Variants in SLCO3A1 observed in about 807,000 individuals in gnomAD.
The protein encoded by SLCO3A1 is solute carrier organic anion transporter family member 3A1.
A neutral mutation model predicts 63.1 loss-of-function variants in SLCO3A1; 27 were observed. The observed-to-expected ratio is 0.43, with a 90% CI of 0.32 to 0.59. The LOEUF (loss-of-function observed/expected upper bound fraction) is 0.59. Among genes scored for constraint, SLCO3A1 ranks in the 20% least tolerant of loss-of-function variants. The pLI, the probability that SLCO3A1 is intolerant of heterozygous loss-of-function variation, is 0.09. For missense variants in SLCO3A1, 773 were observed against 945.8 expected, an observed-to-expected ratio of 0.82 and a Z score of 2.40; for synonymous variants, 473 against 409.9, an observed-to-expected ratio of 1.15 and a Z score of -1.86.
chr15:92,014,654 T>C (rs2046406177), intron 2 of SLCO3A1, among the ~76,000 whole-genome samples: 1 of 152,144 alleles, frequency 6.6e-6, no homozygotes, highest in South Asian at 2.1e-4. Context: ...CCTTTAAAAA[T>C]CAAATTAACA....
chr15:92,123,140 G>T (rs1473789284), intron 5 of SLCO3A1, among the ~76,000 whole-genome samples: 1 of 152,154 alleles, frequency 6.6e-6, no homozygotes, highest in East Asian at 1.9e-4. Flanking sequence ...AAAAGAAAAA[G>T]TAGGCCAGGC....
chr15:92,132,123 C>A (rs2048003692), intron 7 of SLCO3A1, among the ~76,000 whole-genome samples: 1 of 145,506 alleles, frequency 6.9e-6, no homozygotes, highest in African/African-American at 2.5e-5. Flanking sequence ...TAGCAGTTGG[C>A]AAGTGGGTAG....
At chr15:91,956,968 A>ATATATAT (rs1555417595) in intron 2 of SLCO3A1, among the ~76,000 whole-genome samples, 1,002 of 15,136 alleles carry the variant, frequency 0.066, 114 homozygotes, top group African/African-American at 0.15. Context: ...ATTTATATAT[A>ATATATAT]TATATATAGT....
chr15:91,931,964 A>C (rs1899250981), intron 2 of SLCO3A1, among the ~76,000 whole-genome samples: 1 of 152,190 alleles, frequency 6.6e-6, no homozygotes, highest in Non-Finnish European at 1.5e-5. Context: ...GTGTAAAATC[A>C]AGGTGGAAGA....
chr15:92,080,453 G>A (rs929118914), intron 2 of SLCO3A1, among the ~76,000 whole-genome samples: 4 of 151,038 alleles, frequency 2.6e-5, no homozygotes, highest in South Asian at 2.1e-4. Context: ...CTCAGGTCAC[G>A]TACTATGACA....
At chr15:91,964,560 C>T (rs893065726) in intron 2 of SLCO3A1, among the ~76,000 whole-genome samples, 10 of 151,798 alleles carry the variant, frequency 6.6e-5, no homozygotes, top group South Asian at 4.2e-4. Context: ...CTATGCTTGT[C>T]GGCATCAAGC....
At position 92,163,601 on chromosome 15, in the gene SLCO3A1, C is replaced by G. The variant is rs139300523; in HGVS notation, c.*466C>G. 9.6e-4 allele frequency: 946 copies of G among 984,774 alleles called. 7 individuals carry two copies. The African/African-American group carries it at 0.016, about 16-fold the overall frequency. The allele number at this position is 984,774 out of a possible 1,614,324, so 61.0% of individuals were successfully genotyped here. Reference sequence around the variant, plus strand: ...GTTGAAAACATTGCCAGATTAAGCACTAGTGACACACCCCGTGCCACCCTC... The same window carrying G: ...GTTGAAAACATTGCCAGATTAAGCAGTAGTGACACACCCCGTGCCACCCTC... On this transcript the variant is annotated 3_prime_UTR_variant, in exon 10 of 10. Transcript: ENST00000318445.
At chr15:91,956,390 G>A (rs898476133) in intron 2 of SLCO3A1, among the ~76,000 whole-genome samples, 2 of 152,248 alleles carry the variant, frequency 1.3e-5, no homozygotes, top group African/African-American at 4.8e-5. Context: ...CAGTTGGCCC[G>A]CTCTGTGGGT....
intron 2 of SLCO3A1, among the ~76,000 whole-genome samples, chr15:91,940,022 T>C (rs759632576): frequency 4.6e-5 from 7 of 152,186 alleles, no homozygotes; most frequent in Non-Finnish European, 7.3e-5. Context: ...CCCTACCATT[T>C]GCACCGGGAG....
intron 3 of SLCO3A1, among the ~76,000 whole-genome samples, chr15:92,100,672 C>G (rs575040289): frequency 6.6e-6 from 1 of 152,330 alleles, no homozygotes; most frequent in South Asian, 2.1e-4. Flanking sequence ...TATGCCAAGC[C>G]TGCCTGAGAC....
intron 2 of SLCO3A1, among the ~76,000 whole-genome samples, chr15:91,987,008 G>A (rs958186731): frequency 6.6e-6 from 1 of 152,054 alleles, no homozygotes; most frequent in African/African-American, 2.4e-5. Context: ...ATCCAGGCAG[G>A]GACACAGGCA....
intron 6 of SLCO3A1, 98 bp downstream of exon 6, chr15:92,126,357 C>T (rs932753159): frequency 5.1e-5 from 49 of 956,584 alleles, no homozygotes; most frequent in Non-Finnish European, 7.8e-5. Context: ...TTCCTAGTGA[C>T]CTGAGGAGAC....
chr15:91,911,163 A>C (rs1177319932), intron 1 of SLCO3A1, among the ~76,000 whole-genome samples: 1 of 152,238 alleles, frequency 6.6e-6, no homozygotes, highest in African/African-American at 2.4e-5. Context: ...AGCACTTTCC[A>C]GAAGGTGAGG....
chr15:91,974,696 G>A (rs1485066129), intron 2 of SLCO3A1, among the ~76,000 whole-genome samples: 2 of 152,182 alleles, frequency 1.3e-5, no homozygotes, highest in African/African-American at 4.8e-5. Flanking sequence ...GTCCACTGTG[G>A]CTTCTAGGGA....
intron 9 of SLCO3A1, among the ~76,000 whole-genome samples, chr15:92,157,730 A>T (rs2048389801): frequency 6.6e-6 from 1 of 152,166 alleles, no homozygotes; most frequent in Non-Finnish European, 1.5e-5. Context: ...ATTTTCATTT[A>T]CCCAAAAGAG....
chr15:92,039,570 A>G (rs770092322), intron 2 of SLCO3A1, among the ~76,000 whole-genome samples: 11 of 152,112 alleles, frequency 7.2e-5, no homozygotes, highest in Admixed American at 7.2e-4. Flanking sequence ...CCAGAAACAG[A>G]TGCTGGTGAG....
At chr15:91,985,442 T>A (rs2151439492) in intron 2 of SLCO3A1, among the ~76,000 whole-genome samples, 1 of 152,276 alleles carries the variant, frequency 6.6e-6, no homozygotes, top group African/African-American at 2.4e-5. Context: ...TGTCCCTGGG[T>A]TTTGGTGAAC....
Position 91,886,030 on chromosome 15 carries a change from C to T in SLCO3A1, c.181-29963C>T, listed in dbSNP as rs144969367. Among the ~76,000 whole-genome samples, 10 of 152,008 alleles carry T rather than the reference C, an allele frequency of 6.6e-5. No homozygotes were observed. The highest frequency in any genetic ancestry group is 2.2e-4 in the African/African-American group (9 of 41,384). The stretch of plus-strand genomic sequence containing the variant: ...AGAGAGGTGGGTGGAAGACCAGACC[C>T]GGCAGGCCCCTGTGAGCCACAGGGA... On this transcript the variant is annotated intron_variant, in intron 1 of 9. Transcript: ENST00000318445. This position sits in a 1 kb window ranked among gnomAD's most constrained non-coding sequence, Gnocchi z 4.9.
chr15:92,087,770 C>T (rs779344586), intron 2 of SLCO3A1, among the ~76,000 whole-genome samples: 34 of 152,088 alleles, frequency 2.2e-4, no homozygotes, highest in Non-Finnish European at 4.4e-4. Flanking sequence ...CTGCCTGCCT[C>T]GGCCTCCCAA....
Sources: gnomAD v4.1 joint callset for allele counts (sites outside exome capture counted in the v4.1 genomes callset) on GRCh38, gnomAD v4.1.1 for gene constraint, Gnocchi (gnomAD v3.1) non-coding constraint, MANE v1.5 for transcripts, NCBI Gene and HGNC (gene_info 2026-07-23, HGNC 2026-07-21) for gene names.